DIP2C: variants seen among roughly 807,000 people sequenced by gnomAD.
DIP2C encodes the protein DIP2 acetate--CoA ligase C (putative), also known as disco-interacting protein 2 homolog C.
Under a neutral mutation model 192.4 loss-of-function variants are expected in DIP2C, and 33 were observed. The ratio of observed to expected loss-of-function variants is 0.17; its 90% CI spans 0.13 to 0.23. The LOEUF is 0.23. Among genes scored for constraint, DIP2C ranks in the 10% least tolerant of loss-of-function variants. DIP2C has a pLI of 1.00. For missense variants in DIP2C, 1,537 were observed against 2,110.1 expected (o/e 0.73, Z 5.32); for synonymous variants, 979 against 864.1 (o/e 1.13, Z -2.33).
chr10:380,941 C>T (rs574097858), intron 17 of DIP2C, among the ~76,000 whole-genome samples: 1 of 152,366 alleles, frequency 6.6e-6, no homozygotes, highest in East Asian at 1.9e-4. Context: ...CTGTGGCACA[C>T]AACTGAAACC....
Position 363,200 on chromosome 10 carries a change from C to G in DIP2C, c.2589G>C (p.Leu863=), listed in dbSNP as rs930526177. ...EDSFQWMSRV[L]QAIDSIHQVG... is the part of the protein sequence containing the mutation. Reference sequence around the variant, plus strand: ...GCCCAGGGCGAGGGAGGGCAACCTGCAGCACACGGCTCATCCACTGGAAAC... The same window carrying G: ...GCCCAGGGCGAGGGAGGGCAACCTGGAGCACACGGCTCATCCACTGGAAAC... Residue 863 remains leucine, a synonymous_variant, in exon 21 of 37, where the codon CTG becomes CTC. Coordinates refer to ENST00000280886, the MANE Select transcript of DIP2C (RefSeq NM_014974.3). The surrounding 1 kb of genome is among the most constrained non-coding windows in gnomAD (Gnocchi z 5.4). 4 of 1,613,152 alleles carry G rather than the reference C, an allele frequency of 2.5e-6. No homozygotes were observed. The African/African-American group carries it at 4.0e-5, about 16-fold the overall frequency.
chr10:284,172 G>C (rs1026927400), intron 34 of DIP2C, among the ~76,000 whole-genome samples: 1 of 152,160 alleles, frequency 6.6e-6, no homozygotes, highest in African/African-American at 2.4e-5. Flanking sequence ...TTCTGGGCTT[G>C]GCTGTTTCCA....
chr10:403,883 A>T (rs1323072953), intron 9 of DIP2C, among the ~76,000 whole-genome samples: 3 of 96,226 alleles, frequency 3.1e-5, no homozygotes, highest in African/African-American at 4.0e-5. Context: ...ACTCTTCCTT[A>T]TGGACAAGTT....
intron 3 of DIP2C, among the ~76,000 whole-genome samples, chr10:459,381 G>GT (rs1969568479): frequency 2.0e-5 from 3 of 152,218 alleles, no homozygotes; most frequent in Non-Finnish European, 4.4e-5. Flanking sequence ...GAGGACACGG[G>GT]ACCGGGACAT....
Position 380,859 on chromosome 10 carries a change from T to C in DIP2C, c.1991+1788A>G, listed in dbSNP as rs79804975. Among the ~76,000 whole-genome samples the C allele has an allele frequency of 6.1e-3, 927 of 152,294 alleles. 4 individuals carry two copies. Among genetic ancestry groups the C allele is most frequent in the Middle Eastern group, 0.014 (4 of 294 alleles). On this transcript the variant is annotated intron_variant, in intron 17 of 36. Transcript: ENST00000280886. Reference sequence around the variant, plus strand: ...CCTACATGGGAAATTCACCTCAAGTTTTAAGACAGAATACACTTGAGTTCA... The same window carrying C: ...CCTACATGGGAAATTCACCTCAAGTCTTAAGACAGAATACACTTGAGTTCA...
intron 26 of DIP2C, among the ~76,000 whole-genome samples, chr10:347,980 C>G (rs1312355698): frequency 7.0e-6 from 1 of 143,000 alleles, no homozygotes; most frequent in East Asian, 2.0e-4. Context: ...GTCACACACA[C>G]CCAGATGCGT....
At chr10:311,624 C>CCAACACACA (rs1343543689) in intron 31 of DIP2C, 4 of 1,218,752 alleles carry the variant, frequency 3.3e-6, no homozygotes, top group East Asian at 3.2e-5. Context: ...ACAACAGAAA[C>CCAACACACA]CAACACACAC....
intron 1 of DIP2C, among the ~76,000 whole-genome samples, chr10:622,256 T>C (rs1410560952): frequency 9.4e-6 from 1 of 106,132 alleles, no homozygotes; most frequent in African/African-American, 3.6e-5. Context: ...GGAGAGATGG[T>C]AGGGGGAGGG....
chr10:586,087 AG>A (rs1851004985), intron 1 of DIP2C, among the ~76,000 whole-genome samples: 1 of 152,322 alleles, frequency 6.6e-6, no homozygotes, highest in African/African-American at 2.4e-5. Context: ...GCACCAACCA[AG>A]GCAAAGTAAG....
intron 17 of DIP2C, 85 bp from the exon 18 acceptor site, chr10:369,718 G>A (rs1960731845): frequency 6.9e-6 from 11 of 1,604,846 alleles, no homozygotes; most frequent in Non-Finnish European, 9.4e-6. Flanking sequence ...CATGCGGCAG[G>A]CTGGGCACCT....
intron 1 of DIP2C, among the ~76,000 whole-genome samples, chr10:535,989 T>TTC (rs1186448353): frequency 1.3e-5 from 2 of 152,202 alleles, no homozygotes; most frequent in Non-Finnish European, 2.9e-5. Context: ...AAAGAGTATT[T>TTC]TCAGATGGAT....
At chr10:395,874 G>T (rs548109511) in intron 10 of DIP2C, among the ~76,000 whole-genome samples, 2 of 152,144 alleles carry the variant, frequency 1.3e-5, no homozygotes, top group African/African-American at 2.4e-5. Flanking sequence ...ACCTCCCAGC[G>T]TGAGAAGTCC....
intron 32 of DIP2C, among the ~76,000 whole-genome samples, chr10:295,928 G>C (rs1238859214): frequency 6.6e-6 from 1 of 152,218 alleles, no homozygotes; most frequent in Non-Finnish European, 1.5e-5. Flanking sequence ...CTTTTGAGAA[G>C]TGTCTGTTCA....
intron 2 of DIP2C, among the ~76,000 whole-genome samples, chr10:481,130 G>A (rs1189171551): frequency 6.6e-6 from 1 of 152,070 alleles, no homozygotes; most frequent in Non-Finnish European, 1.5e-5. Context: ...ACAAGAATAC[G>A]GACCCACTGC....
intron 9 of DIP2C, among the ~76,000 whole-genome samples, chr10:400,332 T>C (rs1216495805): frequency 6.6e-6 from 1 of 152,234 alleles, no homozygotes; most frequent in East Asian, 1.9e-4. Context: ...GCCAGTATGT[T>C]TTCTGATGGT....
chr10:313,711 G>C (rs1026641208), intron 31 of DIP2C, among the ~76,000 whole-genome samples: 2 of 151,998 alleles, frequency 1.3e-5, no homozygotes, highest in African/African-American at 2.4e-5. Flanking sequence ...CCCCATTGAG[G>C]GACAAATGTA....
chr10:337,192 A>G (rs1957849703), intron 29 of DIP2C, among the ~76,000 whole-genome samples: 1 of 110,778 alleles, frequency 9.0e-6, no homozygotes, highest in Non-Finnish European at 1.7e-5. Flanking sequence ...GTGGAGGCCT[A>G]GGCAGCTGTC....
intron 1 of DIP2C, among the ~76,000 whole-genome samples, chr10:620,179 C>T (rs535911636): frequency 1.3e-5 from 2 of 152,184 alleles, no homozygotes; most frequent in African/African-American, 4.8e-5. Flanking sequence ...TCTTACAAGG[C>T]CATTTTATTT....
At position 464,818 on chromosome 10, in the gene DIP2C, T is replaced by C. The variant is rs533884409; in HGVS notation, c.268+7621A>G. Reference sequence around the variant, plus strand: ...TGGATACATTCCTCGACACATACTCTCTCCCAAGACTAAACCAGGAAGAAG... The same window carrying C: ...TGGATACATTCCTCGACACATACTCCCTCCCAAGACTAAACCAGGAAGAAG... On this transcript the variant is annotated intron_variant, in intron 3 of 36. Transcript: ENST00000280886. Among the ~76,000 whole-genome samples the C allele has an allele frequency of 1.4e-4, 22 of 152,106 alleles. No individual in the cohort carries two copies. The South Asian group carries it at 3.1e-3, about 22-fold the overall frequency.
Sources: allele counts gnomAD v4.1 joint callset (sites outside exome capture counted in the v4.1 genomes callset), GRCh38; gene constraint gnomAD v4.1.1; non-coding constraint Gnocchi (gnomAD v3.1); transcripts MANE v1.5; gene names NCBI Gene and HGNC (gene_info 2026-07-23, HGNC 2026-07-21).